C6: variants seen among roughly 807,000 people sequenced by gnomAD.
C6 encodes the protein complement component C6.
In C6, 101 loss-of-function variants were observed where a neutral mutation model predicts 112.9. The ratio of observed to expected loss-of-function variants is 0.89; its 90% CI spans 0.76 to 1.06. The LOEUF is 1.06. Ranked by LOEUF, C6 falls within the 50% of genes least tolerant of loss-of-function variation. The probability of loss-of-function intolerance (pLI) is 0.00; values close to 1 mark genes in which losing one functional copy is unlikely to be tolerated. For synonymous variants in C6, 431 were observed against 384.1 expected, an observed-to-expected ratio of 1.12 and a Z score of -1.43; for missense variants, 1,202 against 1,104.6, an observed-to-expected ratio of 1.09 and a Z score of -1.25.
intron 4 of C6, among the ~76,000 whole-genome samples, chr5:41,198,295 A>G (rs1750757360): frequency 6.6e-6 from 1 of 152,190 alleles, no homozygotes; most frequent in Admixed American, 6.6e-5. Context: ...ACAATCATTC[A>G]TAAACCTCTT....
Position 41,210,111 on chromosome 5 carries a change from T to C in C6, c.-21+3265A>G, listed in dbSNP as rs112167136. Among the ~76,000 whole-genome samples the C allele has an allele frequency of 8.1e-3, 1,234 of 152,156 alleles. 19 individuals carry two copies. The highest frequency in any genetic ancestry group is 0.028 in the African/African-American group (1,156 of 41,494). ...TGACAAATCTGACAAAAACAAGCAA[T>C]GGGGAAAGGATTCTTTATTTAATAA... On this transcript the variant is annotated intron_variant, in intron 1 of 17. Coordinates refer to ENST00000337836, the MANE Select transcript of C6 (RefSeq NM_000065.5).
intron 1 of C6, among the ~76,000 whole-genome samples, chr5:41,249,150 C>T (rs1422898231): frequency 1.3e-5 from 2 of 152,042 alleles, no homozygotes; most frequent in Non-Finnish European, 2.9e-5. Flanking sequence ...CTGGGGACTA[C>T]TAGAAGGGAG....
At chr5:41,186,688 A>T (rs1199643378) in intron 5 of C6, among the ~76,000 whole-genome samples, 1 of 152,012 alleles carries the variant, frequency 6.6e-6, no homozygotes, top group Non-Finnish European at 1.5e-5. Context: ...TATTTAAAAT[A>T]TATTTTATTT....
chr5:41,209,122 CAT>C (rs1405190595), intron 1 of C6, among the ~76,000 whole-genome samples: 6 of 152,200 alleles, frequency 3.9e-5, no homozygotes, highest in African/African-American at 1.4e-4. Flanking sequence ...ACAAAAACCA[CAT>C]GATTATCTCA....
At chr5:41,248,968 T>C (rs968052062) in intron 1 of C6, among the ~76,000 whole-genome samples, 7 of 152,136 alleles carry the variant, frequency 4.6e-5, no homozygotes. Context: ...GAATACTATA[T>C]AGTCATAAAA....
intron 1 of C6, among the ~76,000 whole-genome samples, chr5:41,258,816 T>C (rs1413859451): frequency 6.6e-6 from 1 of 152,120 alleles, no homozygotes; most frequent in Non-Finnish European, 1.5e-5. Context: ...GGAGAGAGAA[T>C]GAGTGCAAGC....
At chr5:41,236,319 A>G (rs1413506925) in intron 1 of C6, among the ~76,000 whole-genome samples, 2 of 143,134 alleles carry the variant, frequency 1.4e-5, no homozygotes, top group South Asian at 2.4e-4. Flanking sequence ...TCCCAGCACC[A>G]TTTATTAAAT....
chr5:41,203,940 T>G (rs1384410762), intron 1 of C6, among the ~76,000 whole-genome samples: 1 of 152,190 alleles, frequency 6.6e-6, no homozygotes, highest in East Asian at 1.9e-4. Flanking sequence ...AGTACTGTGT[T>G]ACTGCAGTAT....
chr5:41,177,936 C>T (rs1416942421), intron 7 of C6, among the ~76,000 whole-genome samples: 1 of 152,106 alleles, frequency 6.6e-6, no homozygotes, highest in Non-Finnish European at 1.5e-5. Context: ...AGTTGGAGAG[C>T]CCTTGTGCTT....
At chr5:41,201,081 T>TATC (rs1412011181) in intron 3 of C6, among the ~76,000 whole-genome samples, 1 of 152,000 alleles carries the variant, frequency 6.6e-6, no homozygotes, top group African/African-American at 2.4e-5. Flanking sequence ...TTGTATAAAT[T>TATC]ATCTTCAGGC....
At chr5:41,240,473 G>A (rs1740632847) in intron 1 of C6, among the ~76,000 whole-genome samples, 1 of 152,126 alleles carries the variant, frequency 6.6e-6, no homozygotes, top group Non-Finnish European at 1.5e-5. Flanking sequence ...GCAGTAGGGT[G>A]GCGGGATAAC....
intron 1 of C6, among the ~76,000 whole-genome samples, chr5:41,208,804 T>C (rs1055595140): frequency 6.6e-6 from 1 of 152,100 alleles, no homozygotes; most frequent in Non-Finnish European, 1.5e-5. Context: ...AAGGAGGAGC[T>C]GGTACCATTC....
intron 1 of C6, among the ~76,000 whole-genome samples, chr5:41,242,894 TAA>T (rs11363565): frequency 0.56 from 83,303 of 148,076 alleles, 23,602 homozygotes; most frequent in South Asian, 0.65. Context: ...CCAAGTACAG[TAA>T]AAAAAAAAAA....
At chr5:41,238,338 G>T (rs1476917014) in intron 1 of C6, among the ~76,000 whole-genome samples, 2 of 150,168 alleles carry the variant, frequency 1.3e-5, no homozygotes, top group African/African-American at 4.9e-5. Context: ...ATACTACAAG[G>T]CTACAGTAAC....
At chr5:41,186,411 G>A (rs1325068732) in intron 5 of C6, 1 of 588,718 alleles carries the variant, frequency 1.7e-6, no homozygotes, top group African/African-American at 1.9e-5. Context: ...CAGCTTCTCT[G>A]GCTCTATTAG....
chr5:41,171,791 A>G (rs1748443508), intron 9 of C6, among the ~76,000 whole-genome samples: 1 of 152,158 alleles, frequency 6.6e-6, no homozygotes, highest in Non-Finnish European at 1.5e-5. Flanking sequence ...TTTTCACAAA[A>G]TCTGATGTAT....
intron 9 of C6, among the ~76,000 whole-genome samples, chr5:41,168,547 G>A (rs1748166705): frequency 6.6e-6 from 1 of 152,128 alleles, no homozygotes; most frequent in African/African-American, 2.4e-5. Context: ...TTTTTTAGAT[G>A]AGAAATTATT....
In C6 at chr5:41,161,793, G is replaced by T. The variant is rs1166916977; in HGVS notation, c.1358C>A (p.Ala453Glu). The change falls in exon 10 of 18, where the codon GCA (alanine) becomes GAA (glutamate). Residue 453 changes from alanine to glutamate, a missense_variant. Physicochemically the swap from Ala to Glu is moderately radical, Grantham distance 107 (BLOSUM62 -1). Transcript: ENST00000337836. The part of the protein sequence containing the change: ...LIRGGRSEYG[A>E]ALAWEKGSSG... ...GCTCCCTTTCTCCCATGCCAAAGCTGCTCCATATTCACTCCTTCCACCTCG... is the reference window on the plus strand; with the variant it reads ...GCTCCCTTTCTCCCATGCCAAAGCTTCTCCATATTCACTCCTTCCACCTCG... 2.5e-6 allele frequency: 4 copies of T among 1,613,526 alleles called. No homozygotes were observed. The highest frequency in any genetic ancestry group is 1.7e-5 in the Admixed American group (1 of 59,982).
chr5:41,189,741 C>A (rs926770407), intron 5 of C6, among the ~76,000 whole-genome samples: 3 of 152,008 alleles, frequency 2.0e-5, no homozygotes, highest in Admixed American at 6.6e-5. Context: ...AATTTTGTAA[C>A]CTTTAACCAA....
Sources: allele counts gnomAD v4.1 joint callset (sites outside exome capture counted in the v4.1 genomes callset), GRCh38; gene constraint gnomAD v4.1.1; transcripts MANE v1.5; gene names NCBI Gene and HGNC (gene_info 2026-07-23, HGNC 2026-07-21).